ZNF98: variants seen among roughly 807,000 people sequenced by gnomAD.
ZNF98 encodes the protein zinc finger protein 739.
A neutral mutation model predicts 12.8 loss-of-function variants in ZNF98; 8 were observed. That is an observed-to-expected ratio of 0.63 (90% CI 0.37 to 1.13). The LOEUF (loss-of-function observed/expected upper bound fraction) is 1.13, where lower values mean the gene tolerates loss of function less well. Among genes scored for constraint, ZNF98 ranks in the 50% most tolerant of loss-of-function variants. The pLI, the probability that ZNF98 is intolerant of heterozygous loss-of-function variation, is 0.01. For synonymous variants in ZNF98, 112 were observed against 223.5 expected (o/e 0.50, Z 4.45); for missense variants, 379 against 666.1 (o/e 0.57, Z 4.74).
chr19:22,400,601 G>A (rs1213469805), intron 3 of ZNF98, among the ~76,000 whole-genome samples: 1 of 151,318 alleles, frequency 6.6e-6, no homozygotes, highest in Non-Finnish European at 1.5e-5. Flanking sequence ...AAACCCATAG[G>A]ACATCCCATC....
chr19:22,400,040 C>T (rs1157403111), intron 3 of ZNF98, among the ~76,000 whole-genome samples: 2 of 152,158 alleles, frequency 1.3e-5, no homozygotes, highest in Non-Finnish European at 2.9e-5. Flanking sequence ...ATTCAGGTGG[C>T]AAACTACAGG....
At chr19:22,393,038 T>C (rs1056815777) in intron 3 of ZNF98, 57 bp from the exon 4 acceptor site, 4 of 1,409,100 alleles carry the variant, frequency 2.8e-6, no homozygotes, top group Admixed American at 6.3e-5. Context: ...TGAATGTACT[T>C]TACAAATCTA....
rs149645287 is a variant in ZNF98, at chr19:22,418,994, T to C, written c.30+3201A>G. Among the ~76,000 whole-genome samples, 1,063 of 152,234 alleles carry C rather than the reference T, an allele frequency of 7.0e-3. 14 individuals carry two copies. Among genetic ancestry groups the C allele is most frequent in the African/African-American group, 0.024 (1,011 of 41,558 alleles). On this transcript the variant is annotated intron_variant, in intron 1 of 3. Transcript: ENST00000357774. ...AACATTCAGCTACACTCAATCTGAG[T>C]CGAAATACAACCGCATTTTATGTCC...
intron 1 of ZNF98, among the ~76,000 whole-genome samples, chr19:22,404,701 T>C (rs1312582903): frequency 6.6e-6 from 1 of 152,252 alleles, no homozygotes; most frequent in African/African-American, 2.4e-5. Context: ...ATTGGTTTTA[T>C]GCAAAGTTCC....
At chr19:22,405,537 G>A (rs1969510061) in intron 1 of ZNF98, among the ~76,000 whole-genome samples, 1 of 152,126 alleles carries the variant, frequency 6.6e-6, no homozygotes, top group Non-Finnish European at 1.5e-5. Flanking sequence ...GTGAATGAAT[G>A]TGCTACTTAG....
In ZNF98 at chr19:22,392,618, C is replaced by G; in HGVS notation, c.617G>C (p.Gly206Ala). The G allele has an allele frequency of 6.2e-7, 1 of 1,601,962 alleles. No individual in the cohort carries two copies. The highest frequency in any genetic ancestry group is 8.5e-7 in the Non-Finnish European group (1 of 1,173,686). The change falls in exon 4 of 4, where the codon GGA (glycine) becomes GCA (alanine). Residue 206 changes from glycine (G) to alanine (A), a missense_variant. This residue lies in a region of ZNF98 where 223 missense variants were observed against 261.6 expected (regional missense o/e 0.85). Transcript: ENST00000357774. ...HLAQHKRIHS[G>A]EKPYKCKECG... is the part of the protein sequence containing the mutation. ...TTCTTTACATTTGTAGGGTTTCTCT[C>G]CACTATGAATTCTTTTATGTTGAGC...
chr19:22,408,644 C>T (rs776293837), intron 1 of ZNF98, among the ~76,000 whole-genome samples: 19 of 152,116 alleles, frequency 1.2e-4, no homozygotes, highest in Non-Finnish European at 2.2e-4. Context: ...TCCTATAAGC[C>T]AACAACAGAC....
intron 1 of ZNF98, among the ~76,000 whole-genome samples, chr19:22,414,234 A>G (rs1173286376): frequency 8.9e-5 from 5 of 56,200 alleles, no homozygotes; most frequent in African/African-American, 2.4e-4. Flanking sequence ...CTCCATCTCA[A>G]AAAAAAAAAA....
chr19:22,412,256 C>T (rs1228044429), intron 1 of ZNF98, among the ~76,000 whole-genome samples: 1 of 152,034 alleles, frequency 6.6e-6, no homozygotes, highest in Non-Finnish European at 1.5e-5. Context: ...AAAAGTAATT[C>T]AATACAAAGA....
chr19:22,413,728 G>A lies in ZNF98; in HGVS notation c.30+8467C>T, dbSNP rs868224866. ...TCTACTAAAAACACAAAATTAGCCA[G>A]GGTGGTGGCGCATGCCTGTAATCTC... On this transcript the variant is annotated intron_variant, in intron 1 of 3. Transcript: ENST00000357774. Among the ~76,000 whole-genome samples the A allele has an allele frequency of 1.2e-4, 18 of 152,086 alleles. No individual in the cohort carries two copies. The Middle Eastern group carries it at 0.01, about 86-fold the overall frequency.
intron 3 of ZNF98, among the ~76,000 whole-genome samples, chr19:22,394,907 C>T: frequency 6.6e-6 from 1 of 152,028 alleles, no homozygotes; most frequent in Non-Finnish European, 1.5e-5. Context: ...TTTGGTGGCT[C>T]AAACCTGTAA....
chr19:22,414,202 C>G (rs2145121050), intron 1 of ZNF98, among the ~76,000 whole-genome samples: 1 of 127,412 alleles, frequency 7.8e-6, no homozygotes, highest in South Asian at 2.7e-4. Context: ...CCACTGCACT[C>G]TAGCCTGGGT....
chr19:22,405,779 G>A lies in ZNF98; in HGVS notation c.31-2267C>T, dbSNP rs77533873. Among the ~76,000 whole-genome samples the A allele has an allele frequency of 3.0e-3, 464 of 152,278 alleles. 1 individual carries two copies. The highest frequency in any genetic ancestry group is 0.01 in the African/African-American group (423 of 41,570). On this transcript the variant is annotated intron_variant, in intron 1 of 3. Transcript: ENST00000357774. ...CATCTGAGCTCCCCGGGGAGGGGCA[G>A]CAACCATCTCTACAGCTCCTGGCAG...
chr19:22,410,549 A>G (rs1404939557), intron 1 of ZNF98, among the ~76,000 whole-genome samples: 1 of 152,188 alleles, frequency 6.6e-6, no homozygotes, highest in Admixed American at 6.5e-5. Flanking sequence ...TAGTTGAACA[A>G]TGAGAACACA....
Position 22,403,503 on chromosome 19 carries a change from T to C in ZNF98, c.40A>G (p.Thr14Ala), listed in dbSNP as rs776189787. The C allele has an allele frequency of 3.1e-6, 5 of 1,598,506 alleles. No individual in the cohort carries two copies. The East Asian group carries it at 8.9e-5, about 29-fold the overall frequency. ...PLGSLEMGVL[T>A]FRDVALEFSL... ...AATTCTAAGGCCACATCCCTAAATG[T>C]CAACACTCCCTGAAAAACATACAAA... The change falls in exon 2 of 4, where the codon ACA becomes GCA. Residue 14 changes from threonine to alanine, a missense_variant. Around this residue, in one of 8 missense-constraint regions of ZNF98, gnomAD observed 223 missense variants for 261.6 expected, o/e 0.85. Coordinates refer to ENST00000357774, the MANE Select transcript of ZNF98 (RefSeq NM_001098626.2).
intron 1 of ZNF98, among the ~76,000 whole-genome samples, chr19:22,416,836 C>T (rs1472752741): frequency 6.6e-6 from 1 of 152,172 alleles, no homozygotes; most frequent in Admixed American, 6.5e-5. Flanking sequence ...CACACACACA[C>T]ACACAGATCA....
intron 1 of ZNF98, among the ~76,000 whole-genome samples, chr19:22,415,945 A>C (rs923616946): frequency 1.3e-4 from 16 of 125,566 alleles, no homozygotes; most frequent in African/African-American, 4.9e-4. Context: ...AAAAAAAAAA[A>C]AAAAACTACA....
At chr19:22,413,847 CA>C (rs1224251043) in intron 1 of ZNF98, among the ~76,000 whole-genome samples, 1 of 37,542 alleles carries the variant, frequency 2.7e-5, no homozygotes, top group Non-Finnish European at 5.3e-5. Flanking sequence ...CCAACCTGGG[CA>C]AAAAGAGCAA....
At chr19:22,400,863 G>A (rs1343098120) in intron 3 of ZNF98, among the ~76,000 whole-genome samples, 2 of 144,834 alleles carry the variant, frequency 1.4e-5, no homozygotes, top group Non-Finnish European at 3.0e-5. Context: ...AGAGGCAGGA[G>A]AATCACTTGA....
Sources: gnomAD v4.1 joint callset for allele counts (sites outside exome capture counted in the v4.1 genomes callset) on GRCh38, gnomAD v4.1.1 for gene constraint, gnomAD v4.1.1 regional missense constraint, MANE v1.5 for transcripts, NCBI Gene and HGNC (gene_info 2026-07-23, HGNC 2026-07-21) for gene names.